The following NFX1 variants were observed in gnomAD, a reference collection of about 807,000 sequenced individuals.
NFX1 encodes the protein nuclear transcription factor, X-box binding 1.
In NFX1, 69 loss-of-function variants were observed where a neutral mutation model predicts 137.2. The ratio of observed to expected loss-of-function variants is 0.50; its 90% confidence interval spans 0.41 to 0.61. The LOEUF (loss-of-function observed/expected upper bound fraction) is 0.61. Among genes scored for constraint, NFX1 ranks in the 20% least tolerant of loss-of-function variants. NFX1 has a pLI of 0.00. For synonymous variants in NFX1, 495 were observed against 474.1 expected, an observed-to-expected ratio of 1.04 and a Z score of -0.57; for missense variants, 1,167 against 1,391.0, an observed-to-expected ratio of 0.84 and a Z score of 2.56.
At chr9:33,347,669 C>T (rs1199261053) in intron 15 of NFX1, 1 of 422,242 alleles carries the variant, frequency 2.4e-6, no homozygotes. Flanking sequence ...CCAGCAGTCC[C>T]ACTACTGGGC....
At chr9:33,313,886 T>C (rs1822055747) in intron 7 of NFX1, 93 bp downstream of exon 7, 7 of 1,350,276 alleles carry the variant, frequency 5.2e-6, no homozygotes, top group Non-Finnish European at 6.2e-6. Flanking sequence ...GTGTCAGACT[T>C]TTAGTCACAA....
chr9:33,366,793 CAG>C lies in NFX1; in HGVS notation c.3185+22_3185+23del. On this transcript the variant is annotated intron_variant, in intron 22 of 23. Transcript: ENST00000379540. ...CCATCAGGTAGGTCAATCCCGCCGTCAGAGGAAGAACTCCTAAGCAGGGCAAA... is the reference window on the plus strand; with the variant it reads ...CCATCAGGTAGGTCAATCCCGCCGTCAGGAAGAACTCCTAAGCAGGGCAAA... 6.2e-7 allele frequency: 1 copy of C among 1,610,436 alleles called. No homozygotes were observed. The highest frequency in any genetic ancestry group is 8.5e-7 in the Non-Finnish European group (1 of 1,177,174).
intron 12 of NFX1, among the ~76,000 whole-genome samples, chr9:33,341,188 C>G (rs1347674416): frequency 6.6e-6 from 1 of 152,122 alleles, no homozygotes; most frequent in Non-Finnish European, 1.5e-5. Context: ...ACTTACAGTT[C>G]CAAGTGGCTG....
intron 5 of NFX1, among the ~76,000 whole-genome samples, chr9:33,310,198 T>C (rs1480734928): frequency 6.6e-6 from 1 of 152,252 alleles, no homozygotes; most frequent in African/African-American, 2.4e-5. Flanking sequence ...GACCACTTTA[T>C]AAGCACACTA....
At chr9:33,315,180 G>A (rs552581598) in intron 7 of NFX1, among the ~76,000 whole-genome samples, 4 of 149,872 alleles carry the variant, frequency 2.7e-5, no homozygotes, top group Non-Finnish European at 4.4e-5. Context: ...AGCTAAGATC[G>A]TGCCATTGCA....
chr9:33,317,972 T>TAAAA (rs1223378629), intron 7 of NFX1, among the ~76,000 whole-genome samples: 1 of 7,060 alleles, frequency 1.4e-4, no homozygotes, highest in African/African-American at 4.4e-4. Context: ...AGACTCTGTC[T>TAAAA]CAAAAAAAAA....
At chr9:33,364,643 A>T in intron 20 of NFX1, 65 bp from the exon 21 acceptor site, 2 of 1,555,478 alleles carry the variant, frequency 1.3e-6, no homozygotes, top group Non-Finnish European at 1.7e-6. Context: ...CAGGGAGAGG[A>T]TGGGTGAAAG....
chr9:33,337,945 A>C (rs1392823614), intron 11 of NFX1, among the ~76,000 whole-genome samples: 1 of 152,034 alleles, frequency 6.6e-6, no homozygotes, highest in Non-Finnish European at 1.5e-5. Context: ...GCTACTCGGG[A>C]GGCTGAGGCA....
chr9:33,359,998 G>T (rs1364077904), intron 19 of NFX1, among the ~76,000 whole-genome samples: 1 of 152,114 alleles, frequency 6.6e-6, no homozygotes, highest in Non-Finnish European at 1.5e-5. Context: ...ATGACTAGTA[G>T]TGCTGTCCAA....
intron 11 of NFX1, among the ~76,000 whole-genome samples, chr9:33,333,657 A>G (rs910469887): frequency 6.6e-6 from 1 of 152,200 alleles, no homozygotes; most frequent in Non-Finnish European, 1.5e-5. Flanking sequence ...ATGGTGGGTA[A>G]AGGTACACAA....
At chr9:33,359,369 C>T (rs1321410613) in intron 19 of NFX1, among the ~76,000 whole-genome samples, 1 of 151,994 alleles carries the variant, frequency 6.6e-6, no homozygotes, top group African/African-American at 2.4e-5. Flanking sequence ...GAGACTGAGG[C>T]GGGCGGATCA....
At chr9:33,328,104 A>G (rs1010987506) in intron 9 of NFX1, among the ~76,000 whole-genome samples, 4 of 152,022 alleles carry the variant, frequency 2.6e-5, no homozygotes, top group African/African-American at 9.7e-5. Context: ...TCAACGTCCC[A>G]TGCTCAGGAG....
At chr9:33,317,021 C>G in intron 7 of NFX1, among the ~76,000 whole-genome samples, 1 of 152,122 alleles carries the variant, frequency 6.6e-6, no homozygotes, top group African/African-American at 2.4e-5. Context: ...GGTTTCTTTA[C>G]CAGTTCATTG....
rs370062801 is a variant in NFX1, at chr9:33,315,724, C to CAA, written c.1588+1932_1588+1933dup. On this transcript the variant is annotated intron_variant, in intron 7 of 23. Coordinates refer to ENST00000379540, the MANE Select transcript of NFX1 (RefSeq NM_002504.6). ...CAACATGGCGAAAACCAGTCTCTAACAACAACAAAAAAAAAAAATTAGCCA... is the reference window on the plus strand; with the variant it reads ...CAACATGGCGAAAACCAGTCTCTAACAAAACAACAAAAAAAAAAAATTAGCCA... 1.4e-3 allele frequency among the ~76,000 whole-genome samples: 166 copies of CAA among 114,818 alleles called. 7 individuals are homozygous for CAA. Among genetic ancestry groups the CAA allele is most frequent in the Admixed American group, 3.1e-3 (36 of 11,802 alleles). 75.3% of individuals were successfully genotyped at this position (114,818 alleles called of 152,430 possible).
At chr9:33,366,381 C>G (rs1188989715) in intron 21 of NFX1, among the ~76,000 whole-genome samples, 1 of 152,188 alleles carries the variant, frequency 6.6e-6, no homozygotes, top group Non-Finnish European at 1.5e-5. Context: ...TCGCAGTTCA[C>G]TTACCCTTTG....
At chr9:33,326,248 A>G (rs1000601255) in intron 9 of NFX1, among the ~76,000 whole-genome samples, 9 of 152,026 alleles carry the variant, frequency 5.9e-5, no homozygotes, top group African/African-American at 2.2e-4. Flanking sequence ...CTCCGTTTCT[A>G]CTAAAAATAC....
chr9:33,337,014 A>C (rs1823030714), intron 11 of NFX1, among the ~76,000 whole-genome samples: 1 of 152,100 alleles, frequency 6.6e-6, no homozygotes. Context: ...AGGCAAGAGA[A>C]TCGCTTGAAC....
At chr9:33,321,713 C>T (rs972006515) in intron 9 of NFX1, among the ~76,000 whole-genome samples, 2 of 151,914 alleles carry the variant, frequency 1.3e-5, no homozygotes, top group African/African-American at 4.8e-5. Context: ...CTGTATGTAC[C>T]AAAAAACATT....
chr9:33,296,124 A>G (rs1270056806), intron 2 of NFX1, among the ~76,000 whole-genome samples: 1 of 152,096 alleles, frequency 6.6e-6, no homozygotes. Flanking sequence ...ATGGGGTTTC[A>G]CCATGTTGGC....
Sources: gnomAD v4.1 joint callset for allele counts (sites outside exome capture counted in the v4.1 genomes callset) on GRCh38, gnomAD v4.1.1 for gene constraint, MANE v1.5 for transcripts, NCBI Gene and HGNC (gene_info 2026-07-23, HGNC 2026-07-21) for gene names.